LINGO2: variants seen among roughly 807,000 people sequenced by gnomAD.
LINGO2 encodes the protein leucine rich repeat and Ig domain containing 2, also known as leucine-rich repeat and immunoglobulin-like domain-containing nogo receptor-interacting protein 2.
A neutral mutation model predicts 30.6 loss-of-function variants in LINGO2; 14 were observed. That is an observed-to-expected ratio of 0.46 (90% CI 0.30 to 0.72). LINGO2 has a LOEUF of 0.72. LINGO2 is among the 30% of genes least tolerant of loss of function. The pLI, the probability that LINGO2 is intolerant of heterozygous loss-of-function variation, is 0.07. For missense variants in LINGO2, 729 were observed against 751.7 expected (o/e 0.97, Z 0.35); for synonymous variants, 317 against 288.5 (o/e 1.10, Z -1.00).
the LINGO2 span, among the ~76,000 whole-genome samples, chr9:28,690,823 A>G: frequency 6.6e-6 from 1 of 152,198 alleles, no homozygotes; most frequent in Non-Finnish European, 1.5e-5. Context: ...TCTTAAGATT[A>G]ATAGACCAAA....
intron 4 of LINGO2, among the ~76,000 whole-genome samples, chr9:28,214,321 A>T (rs1253785729): frequency 1.3e-5 from 2 of 151,668 alleles, no homozygotes; most frequent in African/African-American, 2.4e-5. Flanking sequence ...TATTCAAGGC[A>T]GTCATTCCCA....
chr9:29,188,798 C>T, the LINGO2 span, among the ~76,000 whole-genome samples: 1 of 144,786 alleles, frequency 6.9e-6, no homozygotes, highest in Non-Finnish European at 1.5e-5. Flanking sequence ...CGCCCCTCAC[C>T]TTCCGGACAG....
chr9:28,245,876 T>C (rs1392783910), intron 4 of LINGO2, among the ~76,000 whole-genome samples: 1 of 152,116 alleles, frequency 6.6e-6, no homozygotes, highest in African/African-American at 2.4e-5. Flanking sequence ...CTCAAAATAA[T>C]TTATAGATTG....
intron 1 of LINGO2, among the ~76,000 whole-genome samples, chr9:28,506,459 C>A (rs1820128316): frequency 1.3e-5 from 1 of 79,000 alleles, no homozygotes; most frequent in African/African-American, 5.4e-5. Context: ...CACACACATA[C>A]ACATACACAC....
chr9:28,058,307 G>A (rs188249055), intron 4 of LINGO2, among the ~76,000 whole-genome samples: 1 of 152,178 alleles, frequency 6.6e-6, no homozygotes, highest in African/African-American at 2.4e-5. Flanking sequence ...TTATTAATAG[G>A]CCATTTTACA....
chr9:28,858,122 G>A, the LINGO2 span, among the ~76,000 whole-genome samples: 5 of 151,850 alleles, frequency 3.3e-5, no homozygotes, highest in African/African-American at 1.2e-4. Flanking sequence ...CCTGCCCTCT[G>A]TGGTGTTTCC....
chr9:28,359,822 G>T (rs1244505049), intron 3 of LINGO2, among the ~76,000 whole-genome samples: 1 of 152,114 alleles, frequency 6.6e-6, no homozygotes, highest in Non-Finnish European at 1.5e-5. Flanking sequence ...TTGCAGGCAT[G>T]CTTCCCTCTC....
the LINGO2 span, among the ~76,000 whole-genome samples, chr9:28,926,141 C>G: frequency 6.6e-6 from 1 of 152,034 alleles, no homozygotes; most frequent in Non-Finnish European, 1.5e-5. Flanking sequence ...GGTGAAACCC[C>G]ATCTCTACTA....
intron 4 of LINGO2, among the ~76,000 whole-genome samples, chr9:28,185,708 A>T (rs1819516488): frequency 1.3e-5 from 2 of 152,234 alleles, no homozygotes; most frequent in African/African-American, 4.8e-5. Flanking sequence ...TCTTGGGCAC[A>T]TCTGAAATTT....
At chr9:28,295,628 T>C (rs537910852) in intron 3 of LINGO2, among the ~76,000 whole-genome samples, 39 of 152,282 alleles carry the variant, frequency 2.6e-4, no homozygotes, top group Admixed American at 5.2e-4. Context: ...ACATTATTGA[T>C]ATTAAAACTC....
chr9:28,658,827 A>G (rs1198852953), intron 1 of LINGO2, among the ~76,000 whole-genome samples: 1 of 152,042 alleles, frequency 6.6e-6, no homozygotes, highest in East Asian at 1.9e-4. Context: ...ATCAATGTTA[A>G]TTTCCTGATT....
the LINGO2 span, among the ~76,000 whole-genome samples, chr9:29,055,298 C>G: frequency 2.6e-5 from 4 of 152,044 alleles, no homozygotes; most frequent in African/African-American, 9.7e-5. Context: ...GTAGCTTATA[C>G]CTAGTGTAGA....
intron 3 of LINGO2, among the ~76,000 whole-genome samples, chr9:28,330,863 G>GT (rs1564127708): frequency 6.6e-6 from 1 of 152,026 alleles, no homozygotes; most frequent in Non-Finnish European, 1.5e-5. Flanking sequence ...ATTTAGGTAG[G>GT]TTTTAATATG....
the LINGO2 span, among the ~76,000 whole-genome samples, chr9:28,683,609 G>A: frequency 6.6e-6 from 1 of 151,904 alleles, no homozygotes; most frequent in Admixed American, 6.6e-5. Context: ...AGCTTAATAT[G>A]GTTCTCTCCT....
chr9:28,865,643 G>C, the LINGO2 span, among the ~76,000 whole-genome samples: 3 of 152,118 alleles, frequency 2.0e-5, no homozygotes, highest in African/African-American at 7.2e-5. Flanking sequence ...AATTGGCCGG[G>C]CATAGTGGCT....
At chr9:27,997,691 C>G (rs750084917) in intron 5 of LINGO2, among the ~76,000 whole-genome samples, 9 of 152,186 alleles carry the variant, frequency 5.9e-5, no homozygotes, top group Non-Finnish European at 1.0e-4. Context: ...CTTGGGTTTA[C>G]CCACAATGGA....
intron 3 of LINGO2, among the ~76,000 whole-genome samples, chr9:28,307,532 C>A (rs1824419168): frequency 6.6e-6 from 1 of 152,142 alleles, no homozygotes; most frequent in South Asian, 2.1e-4. Flanking sequence ...GACAGGGATG[C>A]CCTCTCTCAC....
rs145282478 is a variant in LINGO2 at position 28,029,559 on chromosome 9, C to A, written c.-86-17154G>T. On this transcript the variant is annotated intron_variant, in intron 4 of 5. Transcript: ENST00000379992. ...GCAGCAGGAGCAGCTATGAAAGGAA[C>A]CACATTTATATCCTTCTAACCGTCA... 1.2e-3 allele frequency among the ~76,000 whole-genome samples: 183 copies of A among 152,194 alleles called. 2 individuals carry two copies. The highest frequency in any genetic ancestry group is 4.2e-3 in the African/African-American group (174 of 41,540).
At chr9:28,061,045 A>G (rs892181602) in intron 4 of LINGO2, among the ~76,000 whole-genome samples, 1 of 151,674 alleles carries the variant, frequency 6.6e-6, no homozygotes, top group African/African-American at 2.4e-5. Flanking sequence ...CTGTTATTAT[A>G]CCTTGCAATT....
Sources: gnomAD v4.1 joint callset for allele counts (sites outside exome capture counted in the v4.1 genomes callset) on GRCh38, gnomAD v4.1.1 for gene constraint, MANE v1.5 for transcripts, NCBI Gene and HGNC (gene_info 2026-07-23, HGNC 2026-07-21) for gene names.